TRIM6: variants seen among roughly 807,000 people sequenced by gnomAD.
TRIM6 encodes tripartite motif-containing protein 6.
TRIM6 carries 43 observed loss-of-function variants against 51.2 expected under a neutral mutation model. The ratio of observed to expected loss-of-function variants is 0.84; its 90% CI spans 0.66 to 1.08. The LOEUF is 1.08. Among genes scored for constraint, TRIM6 ranks in the 50% least tolerant of loss-of-function variants. The pLI, the probability that TRIM6 is intolerant of heterozygous loss-of-function variation, is 0.00. For missense variants in TRIM6, 669 were observed against 619.0 expected (o/e 1.08, Z -0.86); for synonymous variants, 215 against 232.4 (o/e 0.93, Z 0.68).
At chr11:5,610,495 T>C in intron 6 of TRIM6, 40 bp from the exon 7 acceptor site, 1 of 1,614,006 alleles carries the variant, frequency 6.2e-7, no homozygotes, top group Non-Finnish European at 8.5e-7. Context: ...ATGAGACAGT[T>C]GGTCCTATTC....
At chr11:5,608,487 G>C in intron 5 of TRIM6, 93 bp downstream of exon 5, 1 of 1,574,774 alleles carries the variant, frequency 6.4e-7, no homozygotes, top group Non-Finnish European at 8.6e-7. Context: ...AATCAGAGTG[G>C]GGAAGATTCA....
chr11:5,607,319 G>A (rs1399758513), intron 4 of TRIM6, among the ~76,000 whole-genome samples: 3 of 152,142 alleles, frequency 2.0e-5, no homozygotes, highest in Admixed American at 2.0e-4. Flanking sequence ...CAGTTCCTCA[G>A]TACAGCCACA....
intron 2 of TRIM6, 99 bp from the exon 3 acceptor site, chr11:5,604,435 C>G: frequency 7.4e-7 from 1 of 1,346,464 alleles, no homozygotes; most frequent in Non-Finnish European, 1.0e-6. Flanking sequence ...GGACAGGCTT[C>G]TTTTGAGGTT....
intron 6 of TRIM6, 130 bp downstream of exon 6, chr11:5,610,375 G>A (rs1253822251): frequency 1.3e-6 from 2 of 1,564,178 alleles, no homozygotes; most frequent in East Asian, 2.2e-5. Context: ...GGGACATAGT[G>A]TGCTGAAGAA....
In TRIM6 at chr11:5,603,469, G is replaced by A; in HGVS notation, c.241G>A (p.Glu81Lys). Residue 81 changes from glutamate (E) to lysine (K), a missense_variant, in exon 2 of 8, where the codon GAA (glutamate) becomes AAA (lysine). Transcript: ENST00000380097. ...GRESVIGQEGERSCPVCQTSY... is the reference protein window; with the variant it reads ...GRESVIGQEGKRSCPVCQTSY... ...GGAATCAGTGATTGGTCAAGAAGGG[G>A]AAAGAAGCTGCCCTGTGTGCCAGAC... 1 of 1,614,132 alleles carries A rather than the reference G, an allele frequency of 6.2e-7. No homozygotes were observed. The highest frequency in any genetic ancestry group is 8.5e-7 in the Non-Finnish European group (1 of 1,180,036).
At chr11:5,604,065 G>A (rs1302205863) in intron 2 of TRIM6, among the ~76,000 whole-genome samples, 2 of 152,158 alleles carry the variant, frequency 1.3e-5, no homozygotes, top group African/African-American at 2.4e-5. Context: ...GTGCGATCCC[G>A]GCTCACTGCA....
intron 5 of TRIM6, 119 bp from the exon 6 acceptor site, chr11:5,610,026 C>A (rs1848477488): frequency 9.0e-6 from 9 of 1,001,996 alleles, no homozygotes; most frequent in Non-Finnish European, 1.3e-5. Flanking sequence ...CAGAATGATG[C>A]TAAGTGTATT....
rs756314079 is a variant in TRIM6, at chr11:5,603,661, T to TGAGC, written c.434_435insAGCG (p.Trp145Ter). 28 of 1,613,514 alleles carry TGAGC rather than the reference T, an allele frequency of 1.7e-5. 1 individual carries two copies. Among genetic ancestry groups the TGAGC allele is most frequent in the Non-Finnish European group, 1.6e-5 (19 of 1,179,952 alleles). ...TCAGGAGGATGGGAAGGTCATTTGC[T>TGAGC]GGCTTTGTGAGCGGTCTCAGGAGCA... On this transcript the variant is annotated stop_gained and frameshift_variant, in exon 2 of 8. Transcript: ENST00000380097. LOFTEE classifies it high-confidence loss of function.
intron 2 of TRIM6, 28 bp downstream of exon 2, chr11:5,603,763 A>G: frequency 6.2e-7 from 1 of 1,608,394 alleles, no homozygotes; most frequent in South Asian, 1.1e-5. Context: ...AATGGGAGAC[A>G]GAGAAACAGG....
intron 4 of TRIM6, among the ~76,000 whole-genome samples, chr11:5,606,804 T>C (rs1848237685): frequency 6.6e-6 from 1 of 152,226 alleles, no homozygotes. Flanking sequence ...CCCACGGACA[T>C]TTAAACTTGA....
rs1038379849 is a variant in TRIM6 at position 5,596,742 on chromosome 11, G to T, written c.-156G>T. Reference sequence around the variant, plus strand: ...GGGATCCCCTGCCTTTCTCGGAACGGAACGGAGCAGAGTCGTGCGTGGTTG... The same window carrying T: ...GGGATCCCCTGCCTTTCTCGGAACGTAACGGAGCAGAGTCGTGCGTGGTTG... On this transcript the variant is annotated 5_prime_UTR_variant, in exon 1 of 8. An upstream open reading frame in the 5' UTR gains an earlier in-frame stop. Coordinates refer to ENST00000380097, the MANE Select transcript of TRIM6 (RefSeq NM_001003818.3). 6.7e-5 allele frequency: 80 copies of T among 1,185,262 alleles called. No homozygotes were observed. Among genetic ancestry groups the T allele is most frequent in the Non-Finnish European group, 9.0e-5 (74 of 819,616 alleles). 73.4% of individuals were successfully genotyped at this position (1,185,262 alleles called of 1,614,324 possible). A position where few individuals can be genotyped will look rare whatever the true frequency, so the allele number is the denominator to read the frequency against.
At chr11:5,608,429 G>C in intron 5 of TRIM6, 35 bp downstream of exon 5, 2 of 1,612,186 alleles carry the variant, frequency 1.2e-6, no homozygotes, top group Non-Finnish European at 1.7e-6. Flanking sequence ...AGTTCCCCTG[G>C]ACTGACAAAT....
chr11:5,607,203 C>CA (rs556744032), intron 4 of TRIM6, among the ~76,000 whole-genome samples: 5,537 of 146,214 alleles, frequency 0.038, 204 homozygotes, highest in East Asian at 0.17. Flanking sequence ...GACTCCATCT[C>CA]AAAAAAAAAA....
At chr11:5,610,361 G>A in intron 6 of TRIM6, 116 bp downstream of exon 6, 2 of 1,563,992 alleles carry the variant, frequency 1.3e-6, no homozygotes, top group Non-Finnish European at 1.7e-6. Context: ...AGGTCCCAGA[G>A]GGAGGGACAT....
At chr11:5,610,740 C>G (rs141597570) in intron 7 of TRIM6, 37 bp from the exon 8 acceptor site, 45 of 1,602,208 alleles carry the variant, frequency 2.8e-5, no homozygotes, top group Non-Finnish European at 3.4e-5. Context: ...ACCCATGTCC[C>G]CGTTCTCATC....
intron 4 of TRIM6, among the ~76,000 whole-genome samples, chr11:5,607,020 G>A (rs950580672): frequency 1.3e-5 from 2 of 152,070 alleles, no homozygotes; most frequent in Admixed American, 6.6e-5. Flanking sequence ...TGGCTAACAC[G>A]GTGAAACCCC....
rs752812574 is a variant in TRIM6, at chr11:5,612,585, A to G, written c.*1243A>G. ...GGATGATTTCTTCCAGCTTTTCCAC[A>G]CTCTCTTTATGCGCAGGAACAAACA... On this transcript the variant is annotated 3_prime_UTR_variant, in exon 8 of 8. Transcript: ENST00000380097. 1 of 152,086 alleles carries G rather than the reference A, an allele frequency of 6.6e-6. No individual in the cohort carries two copies. The highest frequency in any genetic ancestry group is 1.5e-5 in the Non-Finnish European group (1 of 68,014). The allele number at this position is 152,086 out of a possible 1,614,324, so 9.4% of individuals were successfully genotyped here.
Position 5,603,547 on chromosome 11 carries a change from A to G in TRIM6, c.319A>G (p.Arg107Gly). The change falls in exon 2 of 8, where the codon AGG (arginine) becomes GGG (glycine). Residue 107 changes from arginine to glycine, a missense_variant. Arg to Gly is a moderately radical substitution (Grantham distance 125, BLOSUM62 -2). Transcript: ENST00000380097. ...TAATCGGCATCTGGCCAACATAGTG[A>G]GGCGGCTCAGAGAGGTAGTGTTGGG... ...RPNRHLANIV[R>G]RLREVVLGPG... The G allele has an allele frequency of 6.2e-7, 1 of 1,614,060 alleles. No individual in the cohort carries two copies. The highest frequency in any genetic ancestry group is 8.5e-7 in the Non-Finnish European group (1 of 1,180,038).
intron 4 of TRIM6, among the ~76,000 whole-genome samples, chr11:5,608,147 A>G (rs975785601): frequency 4.6e-5 from 7 of 152,166 alleles, no homozygotes; most frequent in Non-Finnish European, 7.4e-5. Context: ...CACACACACA[A>G]TGTTGTGAAA....
Sources: allele counts gnomAD v4.1 joint callset (sites outside exome capture counted in the v4.1 genomes callset), GRCh38; gene constraint gnomAD v4.1.1; transcripts MANE v1.5; gene names NCBI Gene and HGNC (gene_info 2026-07-23, HGNC 2026-07-21).